Variants in OR3A2 observed in about 807,000 individuals in gnomAD.
OR3A2 encodes the protein olfactory receptor 3A2.
For synonymous variants in OR3A2, 126 were observed against 159.3 expected (o/e 0.79, Z 1.57); for missense variants, 318 against 392.8 (o/e 0.81, Z 1.61).
At chr17:3,332,035 G>A (rs1348944095) in intron 3 of OR3A2, among the ~76,000 whole-genome samples, 1 of 149,920 alleles carries the variant, frequency 6.7e-6, no homozygotes, top group Non-Finnish European at 1.5e-5. Context: ...TCGGGGGTCA[G>A]GGGTCAGGGA....
At chr17:3,289,200 G>A (rs1201985099), upstream of OR3A2, among the ~76,000 whole-genome samples, 9 of 152,290 alleles carry the variant, frequency 5.9e-5, no homozygotes, top group East Asian at 3.9e-4. Flanking sequence ...CGGATGGTGC[G>A]GAAGGGTGGT....
At chr17:3,358,509 G>C (rs1053011123) in intron 2 of OR3A2, among the ~76,000 whole-genome samples, 1 of 151,626 alleles carries the variant, frequency 6.6e-6, no homozygotes, top group Non-Finnish European at 1.5e-5. Flanking sequence ...GACAGTTCTT[G>C]AATTCTGCCT....
At chr17:3,291,711 A>G (rs2048869168) in intron 3 of OR3A2, 2 of 1,612,822 alleles carry the variant, frequency 1.2e-6, no homozygotes, top group African/African-American at 1.3e-5. Context: ...GCTGTAGATG[A>G]TTGGGTTCAG....
chr17:3,304,518 T>C (rs1207477870), intron 3 of OR3A2, among the ~76,000 whole-genome samples: 1 of 152,250 alleles, frequency 6.6e-6, no homozygotes, highest in African/African-American at 2.4e-5. Context: ...TTCACCGTCC[T>C]GCCCTGCATG....
chr17:3,292,516 C>A lies in OR3A2; in HGVS notation c.-84-13363G>T, dbSNP rs145812991. 253 of 1,613,972 alleles carry A rather than the reference C, an allele frequency of 1.6e-4. No individual in the cohort carries two copies. In the East Asian group the frequency reaches 5.3e-3, roughly 34 times the overall value. The stretch of plus-strand genomic sequence containing the variant: ...AAGACAACTGGCTGCAGCCCTGGCG[C>A]CTCCAGCAAGCCCAGCAGGATGAAC... On this transcript the variant is annotated intron_variant, in intron 3 of 4. Transcript: ENST00000573491.
At chr17:3,303,280 A>ATTTACTTT (rs2048978486) in intron 3 of OR3A2, among the ~76,000 whole-genome samples, 1 of 152,216 alleles carries the variant, frequency 6.6e-6, no homozygotes, top group Non-Finnish European at 1.5e-5. Flanking sequence ...TTTCTTAAAT[A>ATTTACTTT]AGTTGAAAGA....
intron 1 of OR3A2, among the ~76,000 whole-genome samples, chr17:3,283,138 G>C (rs767235059): frequency 1.3e-5 from 2 of 152,146 alleles, no homozygotes; most frequent in Non-Finnish European, 2.9e-5. Flanking sequence ...GTCTGTCTCT[G>C]TAAGTGACTT....
At chr17:3,363,761 T>C (rs1488210882) in intron 2 of OR3A2, among the ~76,000 whole-genome samples, 1 of 152,218 alleles carries the variant, frequency 6.6e-6, no homozygotes, top group Non-Finnish European at 1.5e-5. Context: ...GGTTGACTCA[T>C]AGTTCTGCAG....
intron 1 of OR3A2, among the ~76,000 whole-genome samples, chr17:3,283,247 CAG>C (rs1424947196): frequency 2.0e-5 from 3 of 152,086 alleles, no homozygotes; most frequent in East Asian, 1.9e-4. Flanking sequence ...TTTTTTGAGA[CAG>C]AGTTTTGCTC....
intron 1 of OR3A2, 116 bp from the exon 4 acceptor site, chr17:3,279,269 A>T (rs569949785): frequency 2.9e-6 from 1 of 342,934 alleles, no homozygotes; most frequent in Admixed American, 4.4e-5. Context: ...GAGATGATGA[A>T]TATGTTAATT....
chr17:3,334,587 A>C (rs1350883115), intron 3 of OR3A2, among the ~76,000 whole-genome samples: 1 of 152,304 alleles, frequency 6.6e-6, no homozygotes, highest in South Asian at 2.1e-4. Flanking sequence ...AATGTTTTTG[A>C]CTGCTCTCAC....
At chr17:3,284,272 A>G (rs899770686) in intron 1 of OR3A2, 86 bp downstream of exon 3, 1 of 151,710 alleles carries the variant, frequency 6.6e-6, no homozygotes, top group Non-Finnish European at 1.5e-5. Context: ...AGGGGCATCC[A>G]TCGCACCAGG....
chr17:3,372,858 AGGGAGAG>A (rs1567571726), intron 2 of OR3A2, among the ~76,000 whole-genome samples: 1 of 14,574 alleles, frequency 6.9e-5, no homozygotes, highest in African/African-American at 4.3e-4. Flanking sequence ...GGAGAGGGAG[AGGGAGAG>A]GGAGAGGGAG....
At chr17:3,306,045 G>A (rs984907323) in intron 3 of OR3A2, among the ~76,000 whole-genome samples, 7 of 152,188 alleles carry the variant, frequency 4.6e-5, no homozygotes, top group Admixed American at 2.0e-4. Flanking sequence ...TTTGGTGTGC[G>A]GAACAAGCAG....
chr17:3,325,556 T>C (rs992415771), intron 3 of OR3A2, among the ~76,000 whole-genome samples: 1 of 152,064 alleles, frequency 6.6e-6, no homozygotes, highest in African/African-American at 2.4e-5. Context: ...TTTAAATGTA[T>C]ATAGATATAT....
At position 3,283,621 on chromosome 17, in the gene OR3A2, G is replaced by A. The variant is rs192563094; in HGVS notation, c.-7+737C>T. On this transcript the variant is annotated intron_variant, in intron 1 of 1. Transcript: ENST00000642052. ...CAGGGAAGACTTTCTGGACACACTG[G>A]AATTTGTCATGGCTTAGTGTGCTTT... Among the ~76,000 whole-genome samples, 471 of 152,304 alleles carry A rather than the reference G, an allele frequency of 3.1e-3. 1 individual carries two copies. The highest frequency in any genetic ancestry group is 5.4e-3 in the Non-Finnish European group (369 of 68,016).
intron 3 of OR3A2, among the ~76,000 whole-genome samples, chr17:3,302,939 T>C (rs2048976300): frequency 6.6e-6 from 1 of 152,182 alleles, no homozygotes; most frequent in African/African-American, 2.4e-5. Context: ...CATCACAACA[T>C]ATTTTAAAGG....
intron 2 of OR3A2, among the ~76,000 whole-genome samples, chr17:3,375,846 G>C (rs565324587): frequency 1.3e-4 from 20 of 152,274 alleles, no homozygotes; most frequent in African/African-American, 4.6e-4. Flanking sequence ...CTGAGAGTGA[G>C]ACTGCAGTGA....
chr17:3,317,993 T>C (rs2049091407), intron 3 of OR3A2, among the ~76,000 whole-genome samples: 1 of 151,968 alleles, frequency 6.6e-6, no homozygotes, highest in African/African-American at 2.4e-5. Flanking sequence ...ACCACTTCAG[T>C]TTATTTTGGC....
Sources: gnomAD v4.1 joint callset for allele counts (sites outside exome capture counted in the v4.1 genomes callset) on GRCh38, gnomAD v4.1.1 for gene constraint, MANE v1.5 for transcripts, NCBI Gene and HGNC (gene_info 2026-07-23, HGNC 2026-07-21) for gene names.